FAM199X: variants seen among roughly 807,000 people sequenced by gnomAD.
The protein encoded by FAM199X is protein FAM199X.
FAM199X carries 4 observed loss-of-function variants against 22.9 expected under a neutral mutation model. That is an observed-to-expected ratio of 0.17 (90% confidence interval 0.09 to 0.40). FAM199X has a LOEUF of 0.40. Among genes scored for constraint, FAM199X ranks in the 10% least tolerant of loss-of-function variants. FAM199X has a pLI of 1.00. For missense variants in FAM199X, 183 were observed against 306.8 expected (o/e 0.60, Z 3.01); for synonymous variants, 101 against 112.3 (o/e 0.90, Z 0.64).
At chrX:104,189,520 G>A (rs1315833943) in intron 5 of FAM199X, 88 bp from the exon 6 acceptor site, 3 of 953,421 alleles carry the variant, frequency 3.1e-6, no homozygotes, top group Non-Finnish European at 4.5e-6. Context: ...CTTAAAGTTA[G>A]AAAATAGAGA....
chrX:104,188,333 T>A, intron 5 of FAM199X, 27 bp downstream of exon 5: 1 of 1,202,029 alleles, frequency 8.3e-7, no homozygotes. Context: ...ATACAAAACT[T>A]TACCTTTCAA....
chrX:104,187,997 A>G lies in FAM199X; in HGVS notation c.730-43A>G, dbSNP rs782250300. On this transcript the variant is annotated intron_variant, in intron 4 of 5. Transcript: ENST00000493442. ...TCCCCCAGCATTTTGAAGGTAGAAC[A>G]TCAAGGTGCAACACTAACCAGTTTG... 1.4e-5 allele frequency: 16 copies of G among 1,184,241 alleles called. No individual in the cohort carries two copies. The Admixed American group carries it at 1.8e-4, about 13-fold the overall frequency.
chrX:104,194,544 A>G lies in FAM199X; in HGVS notation c.*4766A>G, dbSNP rs782549109. ...ATTGACATTTGTGGTTAGGTTATCTAGCTGAGGCTTTTAACAATGGAGCAG... is the reference window on the plus strand; with the variant it reads ...ATTGACATTTGTGGTTAGGTTATCTGGCTGAGGCTTTTAACAATGGAGCAG... On this transcript the variant is annotated 3_prime_UTR_variant, in exon 6 of 6. Coordinates refer to ENST00000493442, the MANE Select transcript of FAM199X (RefSeq NM_207318.4). 8.9e-6 allele frequency: 1 copy of G among 112,200 alleles called. No homozygotes were observed. Among genetic ancestry groups the G allele is most frequent in the East Asian group, 2.8e-4 (1 of 3,586 alleles). 9.2% of individuals were successfully genotyped at this position (112,200 alleles called of 1,213,427 possible). A position where few individuals can be genotyped will look rare whatever the true frequency, so the allele number is the denominator to read the frequency against.
Position 104,189,750 on chromosome X carries a change from A to G in FAM199X, c.1139A>G (p.His380Arg). Residue 380 changes from histidine to arginine, a missense_variant, in exon 6 of 6, where the codon CAT becomes CGT. Transcript: ENST00000493442. Reference sequence around the variant, plus strand: ...TCCTTGAAAGTGACTGAGGAAGACCATGAAGCAGATGTTGATGTTTTGATG... The same window carrying G: ...TCCTTGAAAGTGACTGAGGAAGACCGTGAAGCAGATGTTGATGTTTTGATG... ...VLSLKVTEED[H>R]EADVDVLM 1 of 1,210,556 alleles carries G rather than the reference A, an allele frequency of 8.3e-7. No individual in the cohort carries two copies. The highest frequency in any genetic ancestry group is 1.1e-6 in the Non-Finnish European group (1 of 895,185).
intron 2 of FAM199X, among the ~76,000 whole-genome samples, chrX:104,182,208 C>T (rs1921676098): frequency 9.1e-6 from 1 of 109,631 alleles, no homozygotes; most frequent in Non-Finnish European, 1.9e-5. Flanking sequence ...AGACTGGTCT[C>T]GAACTCCTGA....
chrX:104,179,816 G>A (rs782799144), intron 2 of FAM199X, among the ~76,000 whole-genome samples: 7 of 110,819 alleles, frequency 6.3e-5, no homozygotes, highest in Non-Finnish European at 1.3e-4. Context: ...TTGGTCTGCA[G>A]TTTTCGTTCT....
intron 2 of FAM199X, among the ~76,000 whole-genome samples, chrX:104,178,996 G>C (rs1478113701): frequency 9.0e-6 from 1 of 111,558 alleles, no homozygotes; most frequent in Non-Finnish European, 1.9e-5. Context: ...CAGGCGTGGT[G>C]GTGTGCACCT....
chrX:104,171,845 A>G (rs1921360758), intron 1 of FAM199X, among the ~76,000 whole-genome samples: 1 of 112,252 alleles, frequency 8.9e-6, no homozygotes. Context: ...ACTATTACAA[A>G]TAGTATTGTT....
chrX:104,189,730 G>A lies in FAM199X; in HGVS notation c.1119G>A (p.Leu373=), dbSNP rs1160954263. Residue 373 remains leucine (L), a synonymous_variant, in exon 6 of 6, where the codon TTG becomes TTA. Transcript: ENST00000493442. ...TCCTTAACGAAGAGGTGCTGTCCTTGAAAGTGACTGAGGAAGACCATGAAG... is the reference window on the plus strand; with the variant it reads ...TCCTTAACGAAGAGGTGCTGTCCTTAAAAGTGACTGAGGAAGACCATGAAG... The part of the protein sequence containing the change: ...GLFLNEEVLS[L]KVTEEDHEAD... The A allele has an allele frequency of 3.3e-6, 4 of 1,210,007 alleles. No homozygotes were observed. The highest frequency in any genetic ancestry group is 3.5e-5 in the African/African-American group (2 of 57,201).
upstream of FAM199X, among the ~76,000 whole-genome samples, chrX:104,164,585 A>G (rs1921109184): frequency 9.0e-6 from 1 of 111,704 alleles, no homozygotes; most frequent in Non-Finnish European, 1.9e-5. Flanking sequence ...AAAGGTATAT[A>G]TATTTAAATT....
In FAM199X at chrX:104,189,925, G is replaced by A. The variant is rs1001152285; in HGVS notation, c.*147G>A. 2 of 517,442 alleles carry A rather than the reference G, an allele frequency of 3.9e-6. No homozygotes were observed. Among genetic ancestry groups the A allele is most frequent in the Middle Eastern group, 5.7e-4 (1 of 1,746 alleles). The allele number at this position is 517,442 out of a possible 1,213,427, so 42.6% of individuals were successfully genotyped here. Reference sequence around the variant, plus strand: ...AGTGGTTCTTGGCAGGTGATCCCAAGACCTGCAGCTTCAGCATCACTTGAG... The same window carrying A: ...AGTGGTTCTTGGCAGGTGATCCCAAAACCTGCAGCTTCAGCATCACTTGAG... On this transcript the variant is annotated 3_prime_UTR_variant, in exon 6 of 6. Coordinates refer to ENST00000493442, the MANE Select transcript of FAM199X (RefSeq NM_207318.4).
upstream of FAM199X, among the ~76,000 whole-genome samples, chrX:104,166,084 G>A (rs1556373720): frequency 8.9e-6 from 1 of 112,433 alleles, no homozygotes; most frequent in African/African-American, 3.2e-5. Flanking sequence ...ATTGCACGGT[G>A]CTGGGCACAC....
intron 1 of FAM199X, among the ~76,000 whole-genome samples, chrX:104,172,604 C>T: frequency 9.0e-6 from 1 of 110,719 alleles, no homozygotes; most frequent in Non-Finnish European, 1.9e-5. Flanking sequence ...CTGAGAAACA[C>T]ATTGACTTTG....
upstream of FAM199X, among the ~76,000 whole-genome samples, chrX:104,163,976 C>CT (rs1201517253): frequency 1.8e-4 from 20 of 110,405 alleles, no homozygotes; most frequent in East Asian, 1.1e-3. Context: ...CCTGGGACCT[C>CT]TTTTTTTTTA....
chrX:104,163,624 A>G (rs189128361), upstream of FAM199X, among the ~76,000 whole-genome samples: 2 of 110,264 alleles, frequency 1.8e-5, no homozygotes, highest in East Asian at 2.8e-4. Context: ...CAGTGCACCA[A>G]CTCTATGTAC....
upstream of FAM199X, among the ~76,000 whole-genome samples, chrX:104,161,828 G>A (rs922288079): frequency 9.1e-6 from 1 of 109,833 alleles, no homozygotes; most frequent in Non-Finnish European, 1.9e-5. Context: ...GTAACAGAGC[G>A]TGACTCTGTC....
At chrX:104,164,956 T>TGAGTGC (rs1182207691), upstream of FAM199X, among the ~76,000 whole-genome samples, 1 of 112,445 alleles carries the variant, frequency 8.9e-6, no homozygotes, top group Non-Finnish European at 1.9e-5. Flanking sequence ...TGCTATTACC[T>TGAGTGC]GAGTGCCTGC....
At chrX:104,185,301 G>A (rs897008721) in intron 2 of FAM199X, among the ~76,000 whole-genome samples, 1 of 110,777 alleles carries the variant, frequency 9.0e-6, no homozygotes, top group Non-Finnish European at 1.9e-5. Context: ...GTTTAGCACA[G>A]TCTCTGGCAA....
Position 104,187,925 on chromosome X carries a change from T to G in FAM199X, c.730-115T>G. The G allele has an allele frequency of 3.3e-6, 3 of 901,194 alleles. No individual in the cohort carries two copies. In the South Asian group the frequency reaches 7.3e-5, roughly 22 times the overall value. 74.3% of individuals were successfully genotyped at this position (901,194 alleles called of 1,213,427 possible). ...CTTTCTATTCTACCTTACGTATGCATCTGCAGCACTTTTGACAGTCTTTTA... is the reference window on the plus strand; with the variant it reads ...CTTTCTATTCTACCTTACGTATGCAGCTGCAGCACTTTTGACAGTCTTTTA... On this transcript the variant is annotated intron_variant, in intron 4 of 5. Transcript: ENST00000493442.
Sources: allele counts gnomAD v4.1 joint callset (sites outside exome capture counted in the v4.1 genomes callset), GRCh38; gene constraint gnomAD v4.1.1; transcripts MANE v1.5; gene names NCBI Gene and HGNC (gene_info 2026-07-23, HGNC 2026-07-21).